The following FER variants were observed in gnomAD, a reference collection of about 807,000 sequenced individuals.
FER encodes tyrosine-protein kinase Fer.
FER carries 63 observed loss-of-function variants against 111.0 expected under a neutral mutation model. The ratio of observed to expected loss-of-function variants is 0.57; its 90% CI spans 0.46 to 0.70. The LOEUF (loss-of-function observed/expected upper bound fraction) is 0.70, where lower values mean the gene tolerates loss of function less well. Among genes scored for constraint, FER ranks in the 30% least tolerant of loss-of-function variants. The probability of loss-of-function intolerance (pLI) is 0.00; values close to 1 mark genes in which losing one functional copy is unlikely to be tolerated. For missense variants in FER, 914 were observed against 954.0 expected (o/e 0.96, Z 0.55); for synonymous variants, 327 against 313.9 (o/e 1.04, Z -0.44).
At chr5:109,121,470 T>C (rs1202202309) in intron 17 of FER, among the ~76,000 whole-genome samples, 1 of 152,174 alleles carries the variant, frequency 6.6e-6, no homozygotes, top group African/African-American at 2.4e-5. Flanking sequence ...GAATGATCTT[T>C]TTAATGTGTC....
intron 3 of FER, among the ~76,000 whole-genome samples, chr5:108,832,171 A>G (rs891560385): frequency 1.3e-5 from 2 of 151,564 alleles, no homozygotes; most frequent in Non-Finnish European, 2.9e-5. Context: ...GAATAGAGCT[A>G]TAGATAGAAA....
At chr5:109,083,750 A>G (rs1296766079) in intron 16 of FER, among the ~76,000 whole-genome samples, 1 of 151,958 alleles carries the variant, frequency 6.6e-6, no homozygotes, top group Non-Finnish European at 1.5e-5. Flanking sequence ...AGATGAAATA[A>G]TGCCTCCCTG....
At chr5:108,923,071 C>T (rs973769693) in intron 10 of FER, among the ~76,000 whole-genome samples, 1 of 152,028 alleles carries the variant, frequency 6.6e-6, no homozygotes, top group African/African-American at 2.4e-5. Context: ...GGGTTTGTAA[C>T]AGAAACTATT....
intron 16 of FER, among the ~76,000 whole-genome samples, chr5:109,071,898 C>G (rs2149996532): frequency 6.6e-6 from 1 of 150,882 alleles, no homozygotes; most frequent in Admixed American, 6.7e-5. Flanking sequence ...TTATATAGTT[C>G]TATCGTCATG....
At chr5:109,070,129 G>A (rs765316183) in intron 16 of FER, among the ~76,000 whole-genome samples, 45 of 142,252 alleles carry the variant, frequency 3.2e-4, no homozygotes, top group Non-Finnish European at 5.9e-4. Flanking sequence ...AATAATAAAG[G>A]TTGATTTTTT....
chr5:108,842,346 G>C (rs1183844538), intron 5 of FER: 1 of 152,118 alleles, frequency 6.6e-6, no homozygotes, highest in African/African-American at 2.4e-5. Context: ...GCATAGGCAA[G>C]TATTTCATGA....
At chr5:108,917,720 A>G (rs1752448244) in intron 10 of FER, among the ~76,000 whole-genome samples, 1 of 152,204 alleles carries the variant, frequency 6.6e-6, no homozygotes, top group Admixed American at 6.5e-5. Context: ...GAAAAAGGTG[A>G]TACTTTAAGC....
chr5:108,858,942 G>A (rs1428579788), intron 5 of FER, among the ~76,000 whole-genome samples: 1 of 151,720 alleles, frequency 6.6e-6, no homozygotes, highest in Non-Finnish European at 1.5e-5. Flanking sequence ...CCTTATGTAT[G>A]TGTTTTGTAT....
At chr5:109,005,500 A>T (rs777248430) in intron 13 of FER, among the ~76,000 whole-genome samples, 1 of 152,152 alleles carries the variant, frequency 6.6e-6, no homozygotes, top group African/African-American at 2.4e-5. Context: ...AGCATGTGTC[A>T]TCTATTTGTG....
chr5:109,162,345 T>G (rs561768046), intron 17 of FER, among the ~76,000 whole-genome samples: 1 of 152,266 alleles, frequency 6.6e-6, no homozygotes, highest in Non-Finnish European at 1.5e-5. Flanking sequence ...AAATGCCATT[T>G]TTTCCATGGG....
intron 17 of FER, among the ~76,000 whole-genome samples, chr5:109,156,453 C>T (rs1016505184): frequency 4.6e-5 from 7 of 151,990 alleles, no homozygotes; most frequent in African/African-American, 1.7e-4. Flanking sequence ...GGATAGCAAA[C>T]TAGAGCTATC....
chr5:109,081,777 A>G (rs1777013832), intron 16 of FER, among the ~76,000 whole-genome samples: 1 of 151,934 alleles, frequency 6.6e-6, no homozygotes. Context: ...CTTTGTTTTG[A>G]TTTAATACAT....
chr5:108,820,410 A>T, intron 3 of FER: 1 of 985,382 alleles, frequency 1.0e-6, no homozygotes, highest in South Asian at 4.7e-5. Flanking sequence ...ATGGCTGGTT[A>T]TTTTTCTGGT....
intron 10 of FER, among the ~76,000 whole-genome samples, chr5:108,933,403 TAGATGTGTGGTGTTATTTCTG>T (rs983371332): frequency 7.9e-5 from 12 of 152,180 alleles, no homozygotes; most frequent in Non-Finnish European, 1.6e-4. Context: ...TAGATGGTTA[TAGATGTGTGGTGTTATTTCTG>T]AGGCCTCTGT....
intron 17 of FER, among the ~76,000 whole-genome samples, chr5:109,137,958 T>C (rs751187124): frequency 1.3e-5 from 2 of 152,222 alleles, no homozygotes; most frequent in Non-Finnish European, 2.9e-5. Flanking sequence ...CAAGATGTAC[T>C]GGGCCTACTC....
At chr5:108,888,588 A>T (rs1747528186) in intron 9 of FER, among the ~76,000 whole-genome samples, 1 of 151,894 alleles carries the variant, frequency 6.6e-6, no homozygotes, top group Non-Finnish European at 1.5e-5. Context: ...AAATTTATTT[A>T]TGGCCTCCTA....
At position 109,037,752 on chromosome 5, in the gene FER, TG is replaced by T. The variant is rs1026129745; in HGVS notation, c.1713+275del. On this transcript the variant is annotated intron_variant, in intron 14 of 19. Coordinates refer to ENST00000281092, the MANE Select transcript of FER (RefSeq NM_005246.4). ...AAAAATCATAATGATTTTACTTCAG[TG>T]TGCAGTAAAGTCAAAACTAGTGAAC... 1.9e-4 allele frequency among the ~76,000 whole-genome samples: 29 copies of T among 152,036 alleles called. 1 individual carries two copies.
At chr5:109,109,829 A>G (rs888066850) in intron 17 of FER, among the ~76,000 whole-genome samples, 4 of 152,166 alleles carry the variant, frequency 2.6e-5, no homozygotes, top group African/African-American at 4.8e-5. Flanking sequence ...TAGTGACACT[A>G]TCTAAAAAGG....
Position 109,180,802 on chromosome 5 carries a change from G to T in FER, c.2104G>T (p.Asp702Tyr). 1 of 1,613,370 alleles carries T rather than the reference G, an allele frequency of 6.2e-7. No individual in the cohort carries two copies. Among genetic ancestry groups the T allele is most frequent in the South Asian group, 1.1e-5 (1 of 90,950 alleles). Reference protein sequence around the residue: ...VGENNVLKISDFGMSRQEDGG... With the variant: ...VGENNVLKISYFGMSRQEDGG... ...TGAAAATAATGTTCTGAAAATCAGTGACTTTGGAATGTCTCGTCAAGAGGA... is the reference window on the plus strand; with the variant it reads ...TGAAAATAATGTTCTGAAAATCAGTTACTTTGGAATGTCTCGTCAAGAGGA... Residue 702 changes from aspartate (D) to tyrosine (Y), a missense_variant, in exon 18 of 20, where the codon GAC (aspartate) becomes TAC (tyrosine). Physicochemically the swap from Asp to Tyr is radical, Grantham distance 160 (BLOSUM62 -3). Coordinates refer to ENST00000281092, the MANE Select transcript of FER (RefSeq NM_005246.4).
Sources: allele counts gnomAD v4.1 joint callset (sites outside exome capture counted in the v4.1 genomes callset), GRCh38; gene constraint gnomAD v4.1.1; transcripts MANE v1.5; gene names NCBI Gene and HGNC (gene_info 2026-07-23, HGNC 2026-07-21).